The following NECAB2 variants were observed in gnomAD, a reference collection of about 807,000 sequenced individuals.
NECAB2 encodes N-terminal EF-hand calcium-binding protein 2.
A neutral mutation model predicts 51.9 loss-of-function variants in NECAB2; 68 were observed. The observed-to-expected ratio is 1.31, with a 90% CI of 1.08 to 1.60. NECAB2 has a LOEUF of 1.60. Ranked by LOEUF, NECAB2 falls within the 40% of genes most tolerant of loss-of-function variation. NECAB2 has a pLI of 0.00. For synonymous variants in NECAB2, 329 were observed against 203.5 expected (o/e 1.62, Z -5.25); for missense variants, 854 against 490.3 (o/e 1.74, Z -7.00).
At chr16:83,990,711 T>C in intron 6 of NECAB2, 81 bp downstream of exon 6, 1 of 1,556,920 alleles carries the variant, frequency 6.4e-7, no homozygotes, top group Non-Finnish European at 8.7e-7. Context: ...GGTGGGGATG[T>C]CTGTGTACCT....
chr16:83,998,154 G>A (rs778916985), intron 9 of NECAB2, 51 bp from the exon 10 acceptor site: 3 of 1,556,048 alleles, frequency 1.9e-6, no homozygotes, highest in Admixed American at 1.7e-5. Context: ...GGGGTGTTTA[G>A]GGAGAAGGCC....
At chr16:84,002,244 C>G in intron 12 of NECAB2, 74 bp from the exon 13 acceptor site, 3 of 1,559,274 alleles carry the variant, frequency 1.9e-6, no homozygotes, top group Admixed American at 3.3e-5. Context: ...ACCTGTCATT[C>G]AAGACGACCA....
Position 83,968,861 on chromosome 16 carries a change from C to A in NECAB2, c.201+12C>A. 1 of 1,119,794 alleles carries A rather than the reference C, an allele frequency of 8.9e-7. No individual in the cohort carries two copies. The highest frequency in any genetic ancestry group is 4.3e-5 in the South Asian group (1 of 23,464). 69.4% of individuals were successfully genotyped at this position (1,119,794 alleles called of 1,614,324 possible). On this transcript the variant is annotated intron_variant, in intron 1 of 12. Coordinates refer to ENST00000305202, the MANE Select transcript of NECAB2 (RefSeq NM_019065.3). ...CCGTCATCCTGGACGTGAGTACGCGCCGGCCGGGACCCCCGCCGTGGCCTC... is the reference window on the plus strand; with the variant it reads ...CCGTCATCCTGGACGTGAGTACGCGACGGCCGGGACCCCCGCCGTGGCCTC...
chr16:83,968,300 C>T lies in NECAB2; in HGVS notation c.-349C>T, dbSNP rs1043063780. Among the ~76,000 whole-genome samples, 1 of 151,228 alleles carries T rather than the reference C, an allele frequency of 6.6e-6. No individual in the cohort carries two copies. The highest frequency in any genetic ancestry group is 1.5e-5 in the Non-Finnish European group (1 of 67,696). ...CTTTAGAAGCGGGGAGAGCAGGAGACTTTTGGGGAGCAGGCCCCAGGGGCG... is the reference window on the plus strand; with the variant it reads ...CTTTAGAAGCGGGGAGAGCAGGAGATTTTTGGGGAGCAGGCCCCAGGGGCG... On this transcript the variant is annotated 5_prime_UTR_variant, in exon 1 of 13. Transcript: ENST00000305202.
chr16:84,002,194 A>C, intron 12 of NECAB2, 124 bp from the exon 13 acceptor site: 1 of 1,269,236 alleles, frequency 7.9e-7, no homozygotes, highest in Non-Finnish European at 1.1e-6. Flanking sequence ...GTGACCAGCA[A>C]GGACCTGTGT....
rs552020138 is a variant in NECAB2, at chr16:83,983,996, GTTT to G, written c.459+2886_459+2888del. On this transcript the variant is annotated intron_variant, in intron 5 of 12. Transcript: ENST00000305202. ...GTAAAATACATATATATATATGGTGGTTTTTTTTTTTTTTTTTTTGACGGAGTC... is the reference window on the plus strand; with the variant it reads ...GTAAAATACATATATATATATGGTGGTTTTTTTTTTTTTTTTGACGGAGTC... 8.3e-3 allele frequency among the ~76,000 whole-genome samples: 1,045 copies of G among 125,278 alleles called. 9 individuals are homozygous for G. Among genetic ancestry groups the G allele is most frequent in the African/African-American group, 0.03 (951 of 31,328 alleles). The allele number at this position is 125,278 out of a possible 152,430, so 82.2% of individuals were successfully genotyped here. A position where few individuals can be genotyped will look rare whatever the true frequency, so the allele number is the denominator to read the frequency against.
chr16:83,968,547 G>A lies in NECAB2; in HGVS notation c.-102G>A. 2 of 914,446 alleles carry A rather than the reference G, an allele frequency of 2.2e-6. No homozygotes were observed. Among genetic ancestry groups the A allele is most frequent in the Non-Finnish European group, 2.6e-6 (2 of 768,190 alleles). 56.6% of individuals were successfully genotyped at this position (914,446 alleles called of 1,614,324 possible). On this transcript the variant is annotated 5_prime_UTR_variant, in exon 1 of 13. Transcript: ENST00000305202. Reference sequence around the variant, plus strand: ...CGGCCGCGGGGGCAGCGGGAGAGAGGGCGGGGCGGCGCGGGCAGCGCGGGG... The same window carrying A: ...CGGCCGCGGGGGCAGCGGGAGAGAGAGCGGGGCGGCGCGGGCAGCGCGGGG...
At chr16:83,993,747 G>T (rs916283566) in intron 6 of NECAB2, 1 of 161,056 alleles carries the variant, frequency 6.2e-6, no homozygotes, top group Admixed American at 5.9e-5. Context: ...CAGGAGAGGG[G>T]TGTCCAGGGC....
In NECAB2 at chr16:83,998,335, G is replaced by A; in HGVS notation, c.962+18G>A. ...TGCTTCCAGTGAGTGAGCTGCCGAG[G>A]CGTGGGTGGGATGGTGGCAGGGAGC... is the stretch of plus-strand genomic sequence containing the variant. On this transcript the variant is annotated intron_variant, in intron 10 of 12. Coordinates refer to ENST00000305202, the MANE Select transcript of NECAB2 (RefSeq NM_019065.3). 1 of 1,610,418 alleles carries A rather than the reference G, an allele frequency of 6.2e-7. No homozygotes were observed. The highest frequency in any genetic ancestry group is 8.5e-7 in the Non-Finnish European group (1 of 1,178,070).
rs980463974 is a variant in NECAB2 at position 83,981,220 on chromosome 16, C to T, written c.459+93C>T. 9 of 1,181,502 alleles carry T rather than the reference C, an allele frequency of 7.6e-6. No homozygotes were observed. The African/African-American group carries it at 7.7e-5, about 10-fold the overall frequency. 73.2% of individuals were successfully genotyped at this position (1,181,502 alleles called of 1,614,324 possible). Reference sequence around the variant, plus strand: ...GGATGCCTGGATTTTTGAAGACAGGCCGCCAGGGAGGCCTATCTCAGGGGT... The same window carrying T: ...GGATGCCTGGATTTTTGAAGACAGGTCGCCAGGGAGGCCTATCTCAGGGGT... On this transcript the variant is annotated intron_variant, in intron 5 of 12. Transcript: ENST00000305202.
intron 5 of NECAB2, among the ~76,000 whole-genome samples, chr16:83,989,532 A>T (rs977233389): frequency 1.7e-4 from 26 of 152,160 alleles, no homozygotes; most frequent in African/African-American, 5.3e-4. Context: ...ACTGGGCAGA[A>T]ATCCAAGGTG....
chr16:83,967,114 C>A (rs1039991228), upstream of NECAB2, among the ~76,000 whole-genome samples: 3 of 152,144 alleles, frequency 2.0e-5, no homozygotes, highest in Admixed American at 1.3e-4. Context: ...TCAAGTGATC[C>A]GCCCTCTTTG....
rs557118859 is a variant in NECAB2, at chr16:83,991,946, C to A, written c.596+1316C>A. Among the ~76,000 whole-genome samples, 35 of 152,140 alleles carry A rather than the reference C, an allele frequency of 2.3e-4. No individual in the cohort carries two copies. The South Asian group carries it at 7.1e-3, about 31-fold the overall frequency. Reference sequence around the variant, plus strand: ...CTGGGATTACAGGCAGGAGCCACCACACCCCAGCCCACTTTTGAAAATTAG... The same window carrying A: ...CTGGGATTACAGGCAGGAGCCACCAAACCCCAGCCCACTTTTGAAAATTAG... On this transcript the variant is annotated intron_variant, in intron 6 of 12. Coordinates refer to ENST00000305202, the MANE Select transcript of NECAB2 (RefSeq NM_019065.3).
intron 9 of NECAB2, 65 bp downstream of exon 9, chr16:83,997,334 C>G: frequency 1.9e-6 from 3 of 1,601,028 alleles, no homozygotes; most frequent in Non-Finnish European, 2.6e-6. Context: ...TGCCAAGATC[C>G]AAGTGGCTCA....
intron 2 of NECAB2, among the ~76,000 whole-genome samples, chr16:83,975,640 G>C (rs963383069): frequency 6.6e-6 from 1 of 152,136 alleles, no homozygotes; most frequent in South Asian, 2.1e-4. Flanking sequence ...GTCCCTATGG[G>C]AAGGTTAGCA....
intron 10 of NECAB2, among the ~76,000 whole-genome samples, chr16:83,999,097 G>A (rs1253070509): frequency 6.6e-6 from 1 of 152,228 alleles, no homozygotes; most frequent in Non-Finnish European, 1.5e-5. Context: ...GGCAGGCCAG[G>A]TCCTAGCACA....
At chr16:83,965,245 C>T, upstream of NECAB2, 1 of 1,612,104 alleles carries the variant, frequency 6.2e-7, no homozygotes, top group Non-Finnish European at 8.5e-7. Flanking sequence ...AGGTGAGCGG[C>T]TTCCTGACCA....
rs769044737 is a variant in NECAB2 at position 84,001,897 on chromosome 16, C to T, written c.1113C>T (p.Leu371=). The change falls in exon 12 of 13, where the codon CTC becomes CTT. Residue 371 remains leucine (L), a synonymous_variant. Transcript: ENST00000305202. ...KVDTLSQPEA[L]SRILVPAAWC... is the part of the protein sequence containing the mutation. ...ACACACTGAGCCAGCCTGAGGCCCT[C>T]TCCAGGATCTTGGTGCCAGGTAGGG... 1.2e-6 allele frequency: 2 copies of T among 1,613,892 alleles called. No individual in the cohort carries two copies. The highest frequency in any genetic ancestry group is 1.7e-6 in the Non-Finnish European group (2 of 1,179,916).
At chr16:83,965,885 C>T (rs200722740), upstream of NECAB2, 11 of 1,612,872 alleles carry the variant, frequency 6.8e-6, no homozygotes, top group African/African-American at 1.3e-5. Flanking sequence ...CCAGAGCACC[C>T]GCCAGGAGGG....
Sources: gnomAD v4.1 joint callset for allele counts (sites outside exome capture counted in the v4.1 genomes callset) on GRCh38, gnomAD v4.1.1 for gene constraint, MANE v1.5 for transcripts, NCBI Gene and HGNC (gene_info 2026-07-23, HGNC 2026-07-21) for gene names.